PDGFRB: variants seen among roughly 807,000 people sequenced by gnomAD.
The protein encoded by PDGFRB is platelet-derived growth factor receptor beta.
Under a neutral mutation model 120.2 loss-of-function variants are expected in PDGFRB, and 42 were observed. The observed-to-expected ratio is 0.35, with a 90% CI of 0.27 to 0.45. The LOEUF (loss-of-function observed/expected upper bound fraction) is 0.45. Ranked by LOEUF, PDGFRB falls within the 20% of genes least tolerant of loss-of-function variation. The probability of loss-of-function intolerance (pLI) is 1.00; values close to 1 mark genes in which losing one functional copy is unlikely to be tolerated. For missense variants in PDGFRB, 1,149 were observed against 1,476.3 expected, an observed-to-expected ratio of 0.78 and a Z score of 3.63; for synonymous variants, 586 against 606.8, an observed-to-expected ratio of 0.97 and a Z score of 0.50.
At chr5:150,134,032 G>T in intron 4 of PDGFRB, 24 bp from the exon 5 acceptor site, 1 of 1,612,806 alleles carries the variant, frequency 6.2e-7, no homozygotes, top group African/African-American at 1.3e-5. Flanking sequence ...ATTGGCTTAG[G>T]TCTGGGGAAG....
chr5:150,151,958 A>G (rs1298315285), intron 1 of PDGFRB, among the ~76,000 whole-genome samples: 1 of 151,498 alleles, frequency 6.6e-6, no homozygotes, highest in African/African-American at 2.4e-5. Flanking sequence ...TTTTTGAGAC[A>G]GTCTTGCCCT....
At chr5:150,142,867 T>C (rs1472460526) in intron 1 of PDGFRB, among the ~76,000 whole-genome samples, 1 of 152,204 alleles carries the variant, frequency 6.6e-6, no homozygotes, top group Non-Finnish European at 1.5e-5. Flanking sequence ...AATATCTTAC[T>C]GTATCGTTCA....
In PDGFRB at chr5:150,115,420, C is replaced by T. The variant is rs559709990; in HGVS notation, c.*343G>A. On this transcript the variant is annotated 3_prime_UTR_variant, in exon 23 of 23. Transcript: ENST00000261799. ...CCAAGAATCTTCCCAGGGAGGGATT[C>T]GGTCTCCCCACCTGTCAGCCAGGGA... 5.0e-5 allele frequency: 13 copies of T among 261,550 alleles called. No homozygotes were observed. Among genetic ancestry groups the T allele is most frequent in the East Asian group, 2.9e-4 (5 of 17,426 alleles). The allele number at this position is 261,550 out of a possible 1,614,324, so 16.2% of individuals were successfully genotyped here. A position where few individuals can be genotyped will look rare whatever the true frequency, so the allele number is the denominator to read the frequency against.
chr5:150,118,653 CTAAA>C, intron 21 of PDGFRB, 90 bp downstream of exon 21: 2 of 820,230 alleles, frequency 2.4e-6, no homozygotes, highest in Admixed American at 3.8e-5. Context: ...GGGTGGTCCC[CTAAA>C]TGCCAGCCCA....
intron 1 of PDGFRB, among the ~76,000 whole-genome samples, chr5:150,148,549 G>A (rs1228535260): frequency 1.3e-5 from 2 of 152,278 alleles, no homozygotes; most frequent in Admixed American, 1.3e-4. Context: ...GCCATCCAGG[G>A]CAGGGATGGG....
intron 3 of PDGFRB, 69 bp from the exon 4 acceptor site, chr5:150,135,085 G>C: frequency 1.2e-6 from 1 of 810,586 alleles, no homozygotes; most frequent in Non-Finnish European, 2.1e-6. Context: ...ATTGCTGTGT[G>C]GCAAGTCATT....
chr5:150,133,306 CAGAA>C lies in PDGFRB; in HGVS notation c.934+276_934+279del, dbSNP rs201970553. Among the ~76,000 whole-genome samples the C allele has an allele frequency of 8.4e-3, 1,282 of 152,224 alleles. 11 individuals carry two copies. The highest frequency in any genetic ancestry group is 0.028 in the African/African-American group (1,180 of 41,534). ...GGTTGGGGCTGGGGCTCTGGCTAGT[CAGAA>C]AGTCTAGGTTGAGATAGGGTTGGAT... On this transcript the variant is annotated intron_variant, in intron 6 of 22. Transcript: ENST00000261799.
chr5:150,122,990 C>G, intron 15 of PDGFRB, 52 bp downstream of exon 15: 2 of 1,507,810 alleles, frequency 1.3e-6, no homozygotes, highest in Admixed American at 3.4e-5. Flanking sequence ...GGGGAAGGAG[C>G]GGTGCTCCTC....
At chr5:150,130,995 C>T (rs2113904660) in intron 8 of PDGFRB, among the ~76,000 whole-genome samples, 1 of 152,304 alleles carries the variant, frequency 6.6e-6, no homozygotes, top group East Asian at 1.9e-4. Flanking sequence ...TTGGTCTTCT[C>T]TGAGTTTATT....
chr5:150,123,095 CG>C lies in PDGFRB; in HGVS notation c.2129del (p.Pro710ArgfsTer23). On this transcript the variant is annotated frameshift_variant, in exon 15 of 23. Transcript: ENST00000261799. LOFTEE classifies it high-confidence loss of function. The part of the protein sequence containing the change: ...FLQHHSDKRR[P>X]PSAELYSNAL... ...CATTGCTGTAGAGCTCCGCGCTGGG[CG>C]GGCGGCGCTTGTCGGAGTGGTGCTG... 1 of 1,613,842 alleles carries C rather than the reference CG, an allele frequency of 6.2e-7. No homozygotes were observed. The highest frequency in any genetic ancestry group is 8.5e-7 in the Non-Finnish European group (1 of 1,179,942).
At chr5:150,130,754 T>C (rs1338663839) in intron 8 of PDGFRB, 92 bp from the exon 9 acceptor site, 21 of 1,110,922 alleles carry the variant, frequency 1.9e-5, no homozygotes, top group African/African-American at 3.2e-5. Flanking sequence ...AGAGACTCTC[T>C]TGGGGGAGGA....
chr5:150,115,522 C>A lies in PDGFRB; in HGVS notation c.*241G>T. On this transcript the variant is annotated 3_prime_UTR_variant, in exon 23 of 23. Coordinates refer to ENST00000261799, the MANE Select transcript of PDGFRB (RefSeq NM_002609.4). ...GGAAAACTGAGTTCCCTGGGGGAAC[C>A]CTGGCTCAGAGTCAGTTGGCCTCCC... 2.5e-6 allele frequency: 1 copy of A among 392,538 alleles called. No homozygotes were observed. Among genetic ancestry groups the A allele is most frequent in the Non-Finnish European group, 4.5e-6 (1 of 222,978 alleles). 24.3% of individuals were successfully genotyped at this position (392,538 alleles called of 1,614,324 possible).
intron 1 of PDGFRB, among the ~76,000 whole-genome samples, chr5:150,150,877 C>T (rs1761059493): frequency 6.6e-6 from 1 of 152,128 alleles, no homozygotes; most frequent in African/African-American, 2.4e-5. Context: ...AAACGCAGCA[C>T]TGGAAGAGAC....
chr5:150,122,628 GAA>G (rs1479639566), intron 15 of PDGFRB, among the ~76,000 whole-genome samples: 1 of 152,164 alleles, frequency 6.6e-6, no homozygotes, highest in Non-Finnish European at 1.5e-5. Flanking sequence ...GTTCTTTTTG[GAA>G]AAGACAAAGA....
In PDGFRB at chr5:150,114,822, G is replaced by A. The variant is rs1581363196; in HGVS notation, c.*941C>T. ...AAGTCCGACTTATTCATTTTTTGAA[G>A]GGGAAACTGAGGCCCAGAGAGGGTG... On this transcript the variant is annotated 3_prime_UTR_variant, in exon 23 of 23. Coordinates refer to ENST00000261799, the MANE Select transcript of PDGFRB (RefSeq NM_002609.4). 3 of 233,544 alleles carry A rather than the reference G, an allele frequency of 1.3e-5. No individual in the cohort carries two copies. The East Asian group carries it at 1.8e-4, about 14-fold the overall frequency. 14.5% of individuals were successfully genotyped at this position (233,544 alleles called of 1,614,324 possible).
In PDGFRB at chr5:150,129,934, T is replaced by A; in HGVS notation, c.1402A>T (p.Asn468Tyr). Reference sequence around the variant, plus strand: ...AGCTGGCTCTCCTCTTCGGAACTGTTCCCCAGCAGCGTGGGCGGCAGCTCA... The same window carrying A: ...AGCTGGCTCTCCTCTTCGGAACTGTACCCCAGCAGCGTGGGCGGCAGCTCA... ...PRELPPTLLGNSSEEESQLET... is the reference protein window; with the variant it reads ...PRELPPTLLGYSSEEESQLET... The change falls in exon 10 of 23, where the codon AAC (asparagine) becomes TAC (tyrosine). Residue 468 changes from asparagine to tyrosine, a missense_variant. Coordinates refer to ENST00000261799, the MANE Select transcript of PDGFRB (RefSeq NM_002609.4). The A allele has an allele frequency of 2.5e-6, 4 of 1,614,018 alleles. No homozygotes were observed. Among genetic ancestry groups the A allele is most frequent in the Non-Finnish European group, 3.4e-6 (4 of 1,180,010 alleles).
In PDGFRB at chr5:150,121,855, G is replaced by A. The variant is rs1309155664; in HGVS notation, c.2344+25C>T. 6.3e-7 allele frequency: 1 copy of A among 1,575,094 alleles called. No homozygotes were observed. On this transcript the variant is annotated intron_variant, in intron 16 of 22. Transcript: ENST00000261799. This position sits in a 1 kb window ranked among gnomAD's most constrained non-coding sequence, Gnocchi z 4.1. Reference sequence around the variant, plus strand: ...GAGCATCAGCCTGTTTGGATGTGGGGTACTATGTCACTATGTCCACCCACC... The same window carrying A: ...GAGCATCAGCCTGTTTGGATGTGGGATACTATGTCACTATGTCCACCCACC...
At position 150,137,050 on chromosome 5, in the gene PDGFRB, T is replaced by C. The variant is rs1317005018; in HGVS notation, c.-3A>G. On this transcript the variant is annotated 5_prime_UTR_variant, in exon 2 of 23. Transcript: ENST00000261799. ...GGCATCGCACCCGGAAGCCGCATGG[T>C]GTCCTGCAGAGTTAAACAGGAGTCA... 1 of 1,613,206 alleles carries C rather than the reference T, an allele frequency of 6.2e-7. No individual in the cohort carries two copies. The highest frequency in any genetic ancestry group is 1.7e-5 in the Admixed American group (1 of 59,932).
intron 10 of PDGFRB, among the ~76,000 whole-genome samples, chr5:150,129,023 T>C (rs981473372): frequency 2.0e-5 from 3 of 152,228 alleles, no homozygotes; most frequent in African/African-American, 7.2e-5. Flanking sequence ...GCATTGTTCA[T>C]ACGCACAGAA....
Sources: gnomAD v4.1 joint callset for allele counts (sites outside exome capture counted in the v4.1 genomes callset) on GRCh38, gnomAD v4.1.1 for gene constraint, Gnocchi (gnomAD v3.1) non-coding constraint, MANE v1.5 for transcripts, NCBI Gene and HGNC (gene_info 2026-07-23, HGNC 2026-07-21) for gene names.